Variants in NSG1 observed in about 807,000 individuals in gnomAD.
NSG1 encodes neuronal vesicle trafficking associated 1.
In NSG1, 9 loss-of-function variants were observed where a neutral mutation model predicts 19.3. That is an observed-to-expected ratio of 0.47 (90% CI 0.28 to 0.81). NSG1 has a LOEUF of 0.81. Ranked by LOEUF, NSG1 falls within the 40% of genes least tolerant of loss-of-function variation. NSG1 has a pLI of 0.11. For missense variants in NSG1, 236 were observed against 242.4 expected (o/e 0.97, Z 0.18); for synonymous variants, 104 against 107.0 (o/e 0.97, Z 0.17).
chr4:4,394,479 G>A (rs1232312330), intron 3 of NSG1, among the ~76,000 whole-genome samples: 1 of 152,134 alleles, frequency 6.6e-6, no homozygotes, highest in Non-Finnish European at 1.5e-5. Flanking sequence ...CTCTTTGGGT[G>A]TGAAACCTGT....
chr4:4,411,108 G>A (rs563984683), intron 4 of NSG1, among the ~76,000 whole-genome samples: 21 of 152,132 alleles, frequency 1.4e-4, no homozygotes, highest in Admixed American at 2.6e-4. Flanking sequence ...CACCCACCTC[G>A]GCCTCCCAAA....
intron 3 of NSG1, among the ~76,000 whole-genome samples, chr4:4,399,953 C>T (rs2108736813): frequency 6.6e-6 from 1 of 152,340 alleles, no homozygotes; most frequent in East Asian, 1.9e-4. Context: ...GCTCACCTGC[C>T]ACTCATCTCC....
At chr4:4,414,775 A>G (rs576915269) in intron 4 of NSG1, among the ~76,000 whole-genome samples, 33 of 152,112 alleles carry the variant, frequency 2.2e-4, no homozygotes, top group Non-Finnish European at 3.8e-4. Flanking sequence ...ACCTCCTACT[A>G]TGTGCACACT....
At chr4:4,416,310 A>G (rs1724538082) in intron 4 of NSG1, 6 of 670,762 alleles carry the variant, frequency 8.9e-6, no homozygotes, top group South Asian at 8.0e-5. Flanking sequence ...TGAGAAGCAC[A>G]TTCCATTTGT....
At chr4:4,396,753 G>C (rs112852819) in intron 3 of NSG1, among the ~76,000 whole-genome samples, 3 of 141,168 alleles carry the variant, frequency 2.1e-5, no homozygotes, top group African/African-American at 8.2e-5. Context: ...TCCTGCGTGC[G>C]CATCTGTTTC....
At position 4,409,700 on chromosome 4, in the gene NSG1, C is replaced by T. The variant is rs1724066754; in HGVS notation, c.357+17C>T. 4 of 1,595,040 alleles carry T rather than the reference C, an allele frequency of 2.5e-6. No individual in the cohort carries two copies. The highest frequency in any genetic ancestry group is 3.4e-6 in the Non-Finnish European group (4 of 1,162,592). ...GTCCTCAAGGTAAAACTCCGTTTTC[C>T]CCCAGAGGCCCTGGGACGCCTTTGC... is the stretch of plus-strand genomic sequence containing the variant. On this transcript the variant is annotated intron_variant, in intron 4 of 4. Transcript: ENST00000621129.
chr4:4,387,696 G>C lies in NSG1; in HGVS notation c.67G>C (p.Asp23His), dbSNP rs771656209. ...GCAGCCGCTGCTGGAGGATGGCTTC[G>C]ACACCATTCCCCTGATGACGCCCCT... ...TKQPLLEDGF[D>H]TIPLMTPLDV... is the part of the protein sequence containing the mutation. The change falls in exon 2 of 5, where the codon GAC becomes CAC. Residue 23 changes from aspartate (D) to histidine (H), a missense_variant. Coordinates refer to ENST00000621129, the MANE Select transcript of NSG1 (RefSeq NM_014392.5). 1.2e-6 allele frequency: 2 copies of C among 1,613,832 alleles called. No individual in the cohort carries two copies. Among genetic ancestry groups the C allele is most frequent in the East Asian group, 2.2e-5 (1 of 44,840 alleles).
intron 3 of NSG1, among the ~76,000 whole-genome samples, chr4:4,409,129 C>T (rs538144410): frequency 1.3e-5 from 2 of 152,352 alleles, no homozygotes; most frequent in South Asian, 2.1e-4. Context: ...TGCGACACTG[C>T]GTCCCAGCAC....
chr4:4,417,521 C>G lies in NSG1; in HGVS notation c.*86C>G, dbSNP rs1184027147. On this transcript the variant is annotated 3_prime_UTR_variant, in exon 5 of 5. Coordinates refer to ENST00000621129, the MANE Select transcript of NSG1 (RefSeq NM_014392.5). Reference sequence around the variant, plus strand: ...ATTTCATTAAATATAATTACTGATACTTTAGAGGTTACTCATTTACGGTGC... The same window carrying G: ...ATTTCATTAAATATAATTACTGATAGTTTAGAGGTTACTCATTTACGGTGC... 1 of 1,290,530 alleles carries G rather than the reference C, an allele frequency of 7.7e-7. No homozygotes were observed. The highest frequency in any genetic ancestry group is 1.1e-6 in the Non-Finnish European group (1 of 907,386). 79.9% of individuals were successfully genotyped at this position (1,290,530 alleles called of 1,614,324 possible). A position where few individuals can be genotyped will look rare whatever the true frequency, so the allele number is the denominator to read the frequency against.
intron 3 of NSG1, among the ~76,000 whole-genome samples, chr4:4,397,397 A>G (rs1723310308): frequency 6.6e-6 from 1 of 152,126 alleles, no homozygotes; most frequent in Non-Finnish European, 1.5e-5. Context: ...AGGTTAAGGA[A>G]CAGACCCAAG....
At chr4:4,397,444 C>T (rs998449608) in intron 3 of NSG1, among the ~76,000 whole-genome samples, 12 of 152,246 alleles carry the variant, frequency 7.9e-5, no homozygotes, top group Non-Finnish European at 5.9e-5. Flanking sequence ...CCAAATCCCA[C>T]TGTGCTCCGT....
chr4:4,415,960 T>C (rs1297273030), intron 4 of NSG1: 1 of 627,758 alleles, frequency 1.6e-6, no homozygotes, highest in African/African-American at 1.8e-5. Context: ...GCGTGTCAGG[T>C]GCTTCCCGAC....
At chr4:4,394,831 G>A (rs1417031922) in intron 3 of NSG1, among the ~76,000 whole-genome samples, 1 of 152,202 alleles carries the variant, frequency 6.6e-6, no homozygotes. Flanking sequence ...CTTGCTTGTT[G>A]AGTAAGTTCA....
At chr4:4,400,061 T>C (rs1272256822) in intron 3 of NSG1, among the ~76,000 whole-genome samples, 1 of 152,240 alleles carries the variant, frequency 6.6e-6, no homozygotes, top group Non-Finnish European at 1.5e-5. Context: ...CCAAATCACA[T>C]GAAGATTTTT....
At chr4:4,411,399 A>G (rs2108752029) in intron 4 of NSG1, among the ~76,000 whole-genome samples, 1 of 152,240 alleles carries the variant, frequency 6.6e-6, no homozygotes, top group East Asian at 1.9e-4. Flanking sequence ...ACCCTGTCCC[A>G]CTGGAAGGTC....
At chr4:4,412,843 G>A (rs956676259) in intron 4 of NSG1, among the ~76,000 whole-genome samples, 4 of 152,212 alleles carry the variant, frequency 2.6e-5, no homozygotes, top group Non-Finnish European at 4.4e-5. Flanking sequence ...TTCTAGCACT[G>A]AGCACGTGCA....
chr4:4,399,146 ATTG>A (rs1014772708), intron 3 of NSG1, among the ~76,000 whole-genome samples: 4 of 151,498 alleles, frequency 2.6e-5, no homozygotes, highest in African/African-American at 9.7e-5. Flanking sequence ...TTGTGTTTTT[ATTG>A]TTGTTGTTTT....
At chr4:4,416,737 C>G (rs182918424) in intron 4 of NSG1, among the ~76,000 whole-genome samples, 1 of 151,850 alleles carries the variant, frequency 6.6e-6, no homozygotes, top group Non-Finnish European at 1.5e-5. Flanking sequence ...GCTCTGTGTG[C>G]CTCTTCTGAC....
At chr4:4,415,301 A>C (rs1724462583) in intron 4 of NSG1, among the ~76,000 whole-genome samples, 1 of 152,178 alleles carries the variant, frequency 6.6e-6, no homozygotes, top group African/African-American at 2.4e-5. Context: ...CCCACAAGAC[A>C]GGTCCGTCAT....
Sources: allele counts gnomAD v4.1 joint callset (sites outside exome capture counted in the v4.1 genomes callset), GRCh38; gene constraint gnomAD v4.1.1; transcripts MANE v1.5; gene names NCBI Gene and HGNC (gene_info 2026-07-23, HGNC 2026-07-21).